The following ADAMTSL3 variants were observed in gnomAD, a reference collection of about 807,000 sequenced individuals.
The protein encoded by ADAMTSL3 is ADAMTS-like protein 3.
A neutral mutation model predicts 201.7 loss-of-function variants in ADAMTSL3; 128 were observed. The observed-to-expected ratio is 0.63, with a 90% CI of 0.55 to 0.73. ADAMTSL3 has a LOEUF of 0.73. Ranked by LOEUF, ADAMTSL3 falls within the 30% of genes least tolerant of loss-of-function variation. The pLI, the probability that ADAMTSL3 is intolerant of heterozygous loss-of-function variation, is 0.00. For synonymous variants in ADAMTSL3, 738 were observed against 748.4 expected, an observed-to-expected ratio of 0.99 and a Z score of 0.23; for missense variants, 1,990 against 2,119.6, an observed-to-expected ratio of 0.94 and a Z score of 1.20.
intron 11 of ADAMTSL3, 87 bp downstream of exon 11, chr15:83,890,334 A>T: frequency 1.3e-6 from 2 of 1,489,916 alleles, no homozygotes; most frequent in Non-Finnish European, 1.8e-6. Context: ...AGGGCAATAC[A>T]TTTCCATTTC....
intron 6 of ADAMTSL3, among the ~76,000 whole-genome samples, chr15:83,829,956 C>T (rs111667230): frequency 0.038 from 5,806 of 152,144 alleles, 138 homozygotes; most frequent in Middle Eastern, 0.061. Flanking sequence ...GCTATGTGGT[C>T]AATTTTGTAA....
chr15:83,803,381 T>G (rs886501128), intron 4 of ADAMTSL3, among the ~76,000 whole-genome samples: 2 of 152,160 alleles, frequency 1.3e-5, no homozygotes, highest in African/African-American at 4.8e-5. Context: ...TGACCTCCTA[T>G]CCACTTTAAA....
chr15:83,733,324 C>G (rs563043610), intron 3 of ADAMTSL3, among the ~76,000 whole-genome samples: 1 of 152,116 alleles, frequency 6.6e-6, no homozygotes, highest in South Asian at 2.1e-4. Flanking sequence ...GTGATACTAT[C>G]GTAGAGGTGT....
intron 9 of ADAMTSL3, among the ~76,000 whole-genome samples, chr15:83,884,427 A>G (rs1567213087): frequency 7.1e-6 from 1 of 140,164 alleles, no homozygotes; most frequent in Non-Finnish European, 1.5e-5. Flanking sequence ...AGCATGTGGC[A>G]CCATGCTGGG....
At chr15:83,867,255 A>C (rs1203247012) in intron 8 of ADAMTSL3, among the ~76,000 whole-genome samples, 2 of 152,208 alleles carry the variant, frequency 1.3e-5, no homozygotes, top group African/African-American at 2.4e-5. Context: ...CTGTGAAGTG[A>C]ATTTTAATTA....
At chr15:84,018,960 A>T (rs968258536) in intron 25 of ADAMTSL3, among the ~76,000 whole-genome samples, 1 of 152,188 alleles carries the variant, frequency 6.6e-6, no homozygotes, top group African/African-American at 2.4e-5. Flanking sequence ...TAATGAATAC[A>T]TAAGCCATAG....
intron 26 of ADAMTSL3, among the ~76,000 whole-genome samples, chr15:84,022,505 A>G (rs972959948): frequency 4.6e-5 from 7 of 152,364 alleles, no homozygotes; most frequent in Admixed American, 2.6e-4. Flanking sequence ...TTATTTTTAA[A>G]TAAGCTGTAA....
intron 23 of ADAMTSL3, among the ~76,000 whole-genome samples, chr15:84,007,517 T>C (rs2067916083): frequency 6.6e-6 from 1 of 151,482 alleles, no homozygotes; most frequent in South Asian, 2.1e-4. Flanking sequence ...ATCATGCCTG[T>C]GCATAGCCAC....
intron 4 of ADAMTSL3, among the ~76,000 whole-genome samples, chr15:83,779,465 G>A (rs113554825): frequency 2.0e-5 from 3 of 152,074 alleles, no homozygotes; most frequent in Non-Finnish European, 4.4e-5. Context: ...TTGGGAGGCC[G>A]AGGTGGGAGG....
intron 8 of ADAMTSL3, among the ~76,000 whole-genome samples, chr15:83,866,241 C>T (rs1174662588): frequency 1.3e-5 from 2 of 152,146 alleles, no homozygotes; most frequent in African/African-American, 4.8e-5. Context: ...CCATTTAACC[C>T]AGCAATCCCA....
chr15:83,901,624 G>T (rs1317646625), intron 15 of ADAMTSL3, among the ~76,000 whole-genome samples: 1 of 152,196 alleles, frequency 6.6e-6, no homozygotes. Context: ...ATGGAAAAGT[G>T]TATACGTATG....
rs139669414 is a variant in ADAMTSL3, at chr15:84,018,229, C to T, written c.4273+1730C>T. Among the ~76,000 whole-genome samples the T allele has an allele frequency of 5.1e-3, 782 of 152,322 alleles. 10 individuals carry two copies. The highest frequency in any genetic ancestry group is 0.018 in the African/African-American group (739 of 41,570). ...CTACACAGACACACACAAACACATG[C>T]CCAAATATACAATCACACACACACA... On this transcript the variant is annotated intron_variant, in intron 25 of 29. Coordinates refer to ENST00000286744, the MANE Select transcript of ADAMTSL3 (RefSeq NM_207517.3).
At chr15:83,998,139 T>C (rs754882219) in intron 23 of ADAMTSL3, among the ~76,000 whole-genome samples, 7 of 152,086 alleles carry the variant, frequency 4.6e-5, no homozygotes, top group South Asian at 2.1e-4. Flanking sequence ...ACCTATATGA[T>C]GACTTGAAAA....
intron 5 of ADAMTSL3, among the ~76,000 whole-genome samples, chr15:83,815,971 C>T (rs1333536527): frequency 1.3e-5 from 2 of 152,206 alleles, no homozygotes; most frequent in Non-Finnish European, 2.9e-5. Context: ...CAGATAGCAT[C>T]ATATGCTAAG....
intron 20 of ADAMTSL3, among the ~76,000 whole-genome samples, chr15:83,979,276 T>C (rs2067344001): frequency 6.6e-6 from 1 of 152,214 alleles, no homozygotes; most frequent in African/African-American, 2.4e-5. Flanking sequence ...TGAACACAGT[T>C]TATGCTCTGC....
chr15:83,674,644 C>T (rs1440249469), intron 2 of ADAMTSL3, among the ~76,000 whole-genome samples: 1 of 131,308 alleles, frequency 7.6e-6, no homozygotes, highest in South Asian at 2.6e-4. Flanking sequence ...TATATACACA[C>T]ATATACATAT....
intron 2 of ADAMTSL3, among the ~76,000 whole-genome samples, chr15:83,659,100 G>A (rs906122205): frequency 2.0e-5 from 3 of 152,130 alleles, no homozygotes; most frequent in Non-Finnish European, 2.9e-5. Context: ...TAGATTCTCT[G>A]GCAAATTCTG....
At chr15:83,901,683 A>G (rs1338541301) in intron 15 of ADAMTSL3, among the ~76,000 whole-genome samples, 1 of 152,192 alleles carries the variant, frequency 6.6e-6, no homozygotes, top group Non-Finnish European at 1.5e-5. Context: ...AATTAAAAAG[A>G]TATGGTTTTG....
At chr15:83,823,838 A>C (rs1403999832) in intron 6 of ADAMTSL3, among the ~76,000 whole-genome samples, 2 of 151,782 alleles carry the variant, frequency 1.3e-5, no homozygotes, top group Non-Finnish European at 2.9e-5. Flanking sequence ...GGCTCTTCCT[A>C]CACTATCCAC....
Sources: allele counts gnomAD v4.1 joint callset (sites outside exome capture counted in the v4.1 genomes callset), GRCh38; gene constraint gnomAD v4.1.1; transcripts MANE v1.5; gene names NCBI Gene and HGNC (gene_info 2026-07-23, HGNC 2026-07-21).